USP43: variants seen among roughly 807,000 people sequenced by gnomAD.
USP43 encodes the protein ubiquitin specific peptidase 43, also known as ubiquitin carboxyl-terminal hydrolase 43.
USP43 carries 33 observed loss-of-function variants against 90.7 expected under a neutral mutation model. The ratio of observed to expected loss-of-function variants is 0.36; its 90% CI spans 0.28 to 0.49. The LOEUF (loss-of-function observed/expected upper bound fraction) is 0.49, where lower values mean the gene tolerates loss of function less well. Among genes scored for constraint, USP43 ranks in the 20% least tolerant of loss-of-function variants. The pLI is 0.98. For missense variants in USP43, 1,274 were observed against 1,476.4 expected (o/e 0.86, Z 2.25); for synonymous variants, 598 against 615.8 (o/e 0.97, Z 0.43).
intron 4 of USP43, among the ~76,000 whole-genome samples, chr17:9,675,343 AATCT>A (rs1567656989): frequency 2.0e-5 from 3 of 152,188 alleles, no homozygotes; most frequent in Admixed American, 6.5e-5. Context: ...CAACTTCAAA[AATCT>A]ATTTTCTTCT....
chr17:9,657,754 C>T (rs890896602), intron 2 of USP43, among the ~76,000 whole-genome samples: 2 of 152,120 alleles, frequency 1.3e-5, no homozygotes, highest in Non-Finnish European at 2.9e-5. Context: ...GGGGAAACTT[C>T]CTCCATGATC....
rs1567672773 is a variant in USP43 at position 9,701,313 on chromosome 17, G to T, written c.1663-39G>T. 4 of 1,587,760 alleles carry T rather than the reference G, an allele frequency of 2.5e-6. No individual in the cohort carries two copies. The highest frequency in any genetic ancestry group is 3.4e-6 in the Non-Finnish European group (4 of 1,166,116). On this transcript the variant is annotated intron_variant, in intron 11 of 14. Coordinates refer to ENST00000285199, the MANE Select transcript of USP43 (RefSeq NM_153210.5). The surrounding 1 kb of genome is among the most constrained non-coding windows in gnomAD (Gnocchi z 7.2). ...GCTGCCTTTGGTGGGTTGGCCACGTGCTGCGGGGGCCTCACAGTCCGGGTG... is the reference window on the plus strand; with the variant it reads ...GCTGCCTTTGGTGGGTTGGCCACGTTCTGCGGGGGCCTCACAGTCCGGGTG...
At chr17:9,715,717 GTGTA>G (rs1185714462) in intron 14 of USP43, among the ~76,000 whole-genome samples, 22 of 135,590 alleles carry the variant, frequency 1.6e-4, no homozygotes, top group Non-Finnish European at 2.7e-4. Flanking sequence ...GTCTCTGTGT[GTGTA>G]TGTGTGTGTG....
At chr17:9,664,799 A>G (rs2151967331) in intron 2 of USP43, among the ~76,000 whole-genome samples, 1 of 152,010 alleles carries the variant, frequency 6.6e-6, no homozygotes, top group Admixed American at 6.6e-5. Flanking sequence ...CACCACGCCC[A>G]GCTAATTTTT....
intron 1 of USP43, among the ~76,000 whole-genome samples, chr17:9,655,813 G>T (rs1912200592): frequency 6.6e-6 from 1 of 152,196 alleles, no homozygotes; most frequent in Non-Finnish European, 1.5e-5. Flanking sequence ...ACAGAAACAA[G>T]TTTGTATCCT....
chr17:9,690,959 T>C (rs1389932753), intron 8 of USP43, among the ~76,000 whole-genome samples: 1 of 152,174 alleles, frequency 6.6e-6, no homozygotes, highest in Admixed American at 6.5e-5. Context: ...TAGCTACCAT[T>C]CTACTTTCTA....
rs1014656830 is a variant in USP43, at chr17:9,699,576, A to G, written c.1458-596A>G. Among the ~76,000 whole-genome samples, 5 of 152,196 alleles carry G rather than the reference A, an allele frequency of 3.3e-5. No individual in the cohort carries two copies. The South Asian group carries it at 6.2e-4, about 19-fold the overall frequency. On this transcript the variant is annotated intron_variant, in intron 9 of 14. Transcript: ENST00000285199. Reference sequence around the variant, plus strand: ...TATCTGTTCCTATTGATTTCAGGATAAAACCTCATGTGCTCCACTTTGCTC... The same window carrying G: ...TATCTGTTCCTATTGATTTCAGGATGAAACCTCATGTGCTCCACTTTGCTC...
chr17:9,688,983 C>A (rs1269292872), intron 8 of USP43, among the ~76,000 whole-genome samples: 1 of 152,126 alleles, frequency 6.6e-6, no homozygotes, highest in African/African-American at 2.4e-5. Flanking sequence ...GCCACTGTGC[C>A]CAGCCCAATT....
chr17:9,654,468 G>A (rs891871636), intron 1 of USP43, among the ~76,000 whole-genome samples: 3 of 151,950 alleles, frequency 2.0e-5, no homozygotes, highest in African/African-American at 7.2e-5. Flanking sequence ...TGGACAACAT[G>A]GTGAAACCTC....
chr17:9,684,210 G>T (rs1022462766), intron 7 of USP43, among the ~76,000 whole-genome samples: 2 of 152,026 alleles, frequency 1.3e-5, no homozygotes, highest in African/African-American at 4.8e-5. Flanking sequence ...GTCCTTGGGT[G>T]GGGGCTAGTT....
chr17:9,727,741 C>A (rs895357039), intron 14 of USP43, among the ~76,000 whole-genome samples: 1 of 152,166 alleles, frequency 6.6e-6, no homozygotes, highest in Non-Finnish European at 1.5e-5. Flanking sequence ...CTGGCTTACC[C>A]TGTGGCTTCA....
intron 2 of USP43, among the ~76,000 whole-genome samples, chr17:9,664,571 G>A (rs949522011): frequency 2.6e-5 from 4 of 152,114 alleles, no homozygotes; most frequent in African/African-American, 9.7e-5. Flanking sequence ...CTCCATGGGG[G>A]GAGTGATGAT....
chr17:9,713,578 G>A (rs1295687210), intron 14 of USP43, among the ~76,000 whole-genome samples: 1 of 152,184 alleles, frequency 6.6e-6, no homozygotes, highest in Non-Finnish European at 1.5e-5. Flanking sequence ...ATCACAGGGG[G>A]CAAGAGTGGG....
intron 14 of USP43, among the ~76,000 whole-genome samples, chr17:9,726,324 C>A (rs2152004343): frequency 6.6e-6 from 1 of 152,328 alleles, no homozygotes; most frequent in Non-Finnish European, 1.5e-5. Context: ...GGCTGTGCCG[C>A]TGACAGGGGG....
At chr17:9,662,432 C>A (rs1309851672) in intron 2 of USP43, among the ~76,000 whole-genome samples, 1 of 152,200 alleles carries the variant, frequency 6.6e-6, no homozygotes, top group Non-Finnish European at 1.5e-5. Flanking sequence ...TTTGACTTTA[C>A]CTCTCTGTGA....
intron 14 of USP43, among the ~76,000 whole-genome samples, chr17:9,713,019 A>G (rs1230633060): frequency 6.6e-6 from 1 of 152,160 alleles, no homozygotes; most frequent in Non-Finnish European, 1.5e-5. Flanking sequence ...TTTGAAATAT[A>G]CAATATATTG....
intron 14 of USP43, among the ~76,000 whole-genome samples, chr17:9,718,312 C>G (rs1597892710): frequency 6.6e-6 from 1 of 152,188 alleles, no homozygotes; most frequent in East Asian, 1.9e-4. Context: ...ATTTACTACA[C>G]CAGGCATGTA....
chr17:9,684,537 G>A (rs1914485025), intron 7 of USP43, among the ~76,000 whole-genome samples: 1 of 152,104 alleles, frequency 6.6e-6, no homozygotes, highest in Non-Finnish European at 1.5e-5. Context: ...GCTGAGGCGG[G>A]CGGATCACCT....
chr17:9,710,751 C>T (rs1916144920), intron 13 of USP43, among the ~76,000 whole-genome samples: 1 of 151,944 alleles, frequency 6.6e-6, no homozygotes, highest in Non-Finnish European at 1.5e-5. Context: ...CCTCTTGATC[C>T]ACCCATCTCA....
Sources: allele counts gnomAD v4.1 joint callset (sites outside exome capture counted in the v4.1 genomes callset), GRCh38; gene constraint gnomAD v4.1.1; non-coding constraint Gnocchi (gnomAD v3.1); transcripts MANE v1.5; gene names NCBI Gene and HGNC (gene_info 2026-07-23, HGNC 2026-07-21).